ATR: variants seen among roughly 807,000 people sequenced by gnomAD.
ATR encodes the protein serine/threonine-protein kinase ATR.
In ATR, 142 loss-of-function variants were observed where a neutral mutation model predicts 305.3. The ratio of observed to expected loss-of-function variants is 0.47; its 90% CI spans 0.41 to 0.53. ATR has a LOEUF of 0.53. ATR is among the 20% of genes least tolerant of loss of function. ATR has a pLI of 0.00. For missense variants in ATR, 2,135 were observed against 3,133.1 expected (o/e 0.68, Z 7.60); for synonymous variants, 1,050 against 1,068.1 (o/e 0.98, Z 0.33).
chr3:142,502,023 AG>A (rs2031993698), intron 30 of ATR, among the ~76,000 whole-genome samples: 1 of 152,210 alleles, frequency 6.6e-6, no homozygotes, highest in Non-Finnish European at 1.5e-5. Flanking sequence ...CTGCAATTAC[AG>A]GCATGAGCCA....
At chr3:142,572,123 G>A (rs1291600917) in intron 1 of ATR, among the ~76,000 whole-genome samples, 5 of 149,350 alleles carry the variant, frequency 3.3e-5, no homozygotes, top group South Asian at 2.1e-4. Flanking sequence ...AGGCTGGAGC[G>A]CAGTGGTGTG....
chr3:142,527,037 C>T (rs943969909), intron 21 of ATR, among the ~76,000 whole-genome samples: 2 of 152,120 alleles, frequency 1.3e-5, no homozygotes, highest in African/African-American at 4.8e-5. Context: ...AATCCATCTG[C>T]CTTGGCCTCC....
At chr3:142,492,444 T>C (rs1321671545) in intron 35 of ATR, among the ~76,000 whole-genome samples, 3 of 152,352 alleles carry the variant, frequency 2.0e-5, no homozygotes, top group African/African-American at 7.2e-5. Context: ...ACAATTCCTA[T>C]GCAGATAGGA....
At chr3:142,555,840 T>C in intron 10 of ATR, 37 bp downstream of exon 10, 18 of 1,575,034 alleles carry the variant, frequency 1.1e-5, no homozygotes, top group Non-Finnish European at 1.5e-5. Context: ...AGAGCTTAAA[T>C]AGGTTTTAAA....
intron 24 of ATR, among the ~76,000 whole-genome samples, chr3:142,516,424 T>C (rs2032863245): frequency 6.6e-6 from 1 of 152,234 alleles, no homozygotes; most frequent in Non-Finnish European, 1.5e-5. Context: ...TACTACTATG[T>C]ATTCTTAGTC....
rs1390640295 is a variant in ATR, at chr3:142,449,402, T to G, written c.*27A>C. On this transcript the variant is annotated 3_prime_UTR_variant, in exon 47 of 47. Coordinates refer to ENST00000350721, the MANE Select transcript of ATR (RefSeq NM_001184.4). ...ACCAAATGCATTACTTTTAGATTAT[T>G]AACATATTCTTTTACATAATTTCAT... 5 of 1,567,740 alleles carry G rather than the reference T, an allele frequency of 3.2e-6. No individual in the cohort carries two copies. The Admixed American group carries it at 8.3e-5, about 26-fold the overall frequency.
At chr3:142,516,768 G>T (rs970008936) in intron 24 of ATR, among the ~76,000 whole-genome samples, 1 of 151,990 alleles carries the variant, frequency 6.6e-6, no homozygotes, top group Non-Finnish European at 1.5e-5. Flanking sequence ...GCTCCTTGGG[G>T]TCCTTACTAC....
At chr3:142,548,401 G>C (rs973162475) in intron 15 of ATR, among the ~76,000 whole-genome samples, 1 of 152,168 alleles carries the variant, frequency 6.6e-6, no homozygotes, top group Non-Finnish European at 1.5e-5. Flanking sequence ...GGGCGTGTTG[G>C]TTCACACCTG....
intron 21 of ATR, among the ~76,000 whole-genome samples, chr3:142,524,926 ATTATT>A (rs1486502303): frequency 6.6e-6 from 1 of 152,214 alleles, no homozygotes. Context: ...CTTCATTTAT[ATTATT>A]TTCTTTCTAG....
chr3:142,546,305 G>A (rs1448967943), intron 16 of ATR, among the ~76,000 whole-genome samples: 2 of 152,130 alleles, frequency 1.3e-5, no homozygotes, highest in African/African-American at 4.8e-5. Flanking sequence ...CAGAACTAAG[G>A]GGGGCATTAA....
At chr3:142,459,811 C>CTAA in intron 42 of ATR, among the ~76,000 whole-genome samples, 1 of 152,064 alleles carries the variant, frequency 6.6e-6, no homozygotes, top group East Asian at 1.9e-4. Flanking sequence ...GAGGGACCAC[C>CTAA]GTACTTACCC....
At chr3:142,570,274 G>C (rs1413867590) in intron 1 of ATR, among the ~76,000 whole-genome samples, 2 of 152,078 alleles carry the variant, frequency 1.3e-5, no homozygotes, top group African/African-American at 4.8e-5. Context: ...TTTTAATTTT[G>C]ATGAATTCCA....
intron 21 of ATR, 91 bp from the exon 22 acceptor site, chr3:142,524,290 T>C: frequency 8.2e-7 from 1 of 1,224,654 alleles, no homozygotes; most frequent in South Asian, 1.4e-5. Context: ...TTAAGGAATA[T>C]CTAACATAAA....
At chr3:142,483,303 A>G (rs2030662491) in intron 36 of ATR, among the ~76,000 whole-genome samples, 1 of 151,008 alleles carries the variant, frequency 6.6e-6, no homozygotes, top group Non-Finnish European at 1.5e-5. Context: ...TATGATAAGG[A>G]GAATGTATGG....
At chr3:142,482,841 A>G (rs977120583) in intron 36 of ATR, among the ~76,000 whole-genome samples, 15 of 151,946 alleles carry the variant, frequency 9.9e-5, no homozygotes, top group African/African-American at 3.6e-4. Context: ...ATTAAAAAAA[A>G]AAAAAAAGAA....
At chr3:142,480,660 G>T (rs1189998701) in intron 36 of ATR, among the ~76,000 whole-genome samples, 1 of 152,222 alleles carries the variant, frequency 6.6e-6, no homozygotes, top group African/African-American at 2.4e-5. Flanking sequence ...GCTGCCTTTT[G>T]TTCAGCTATG....
In ATR at chr3:142,489,242, G is replaced by A. The variant is rs377440232; in HGVS notation, c.6078+3890C>T. ...CCAGCTACTTGAGAGGCTGAGGTGG[G>A]AGGATCACTTGAGCCCAGGAGGTTG... is the stretch of plus-strand genomic sequence containing the variant. On this transcript the variant is annotated intron_variant, in intron 35 of 46. Transcript: ENST00000350721. Among the ~76,000 whole-genome samples the A allele has an allele frequency of 3.3e-5, 5 of 152,270 alleles. No individual in the cohort carries two copies. The East Asian group carries it at 5.8e-4, about 18-fold the overall frequency.
chr3:142,566,479 G>C (rs1352966704), intron 2 of ATR, among the ~76,000 whole-genome samples: 2 of 151,938 alleles, frequency 1.3e-5, no homozygotes, highest in Non-Finnish European at 2.9e-5. Flanking sequence ...CTTAAAATTA[G>C]CTGGGAGTGG....
intron 36 of ATR, among the ~76,000 whole-genome samples, chr3:142,480,260 G>T (rs1374131783): frequency 1.3e-5 from 2 of 152,194 alleles, no homozygotes; most frequent in Non-Finnish European, 2.9e-5. Context: ...TACAGATGCG[G>T]TTTTGGTGTG....
Sources: allele counts gnomAD v4.1 joint callset (sites outside exome capture counted in the v4.1 genomes callset), GRCh38; gene constraint gnomAD v4.1.1; transcripts MANE v1.5; gene names NCBI Gene and HGNC (gene_info 2026-07-23, HGNC 2026-07-21).